The following IFT122 variants were observed in gnomAD, a reference collection of about 807,000 sequenced individuals.
The protein encoded by IFT122 is intraflagellar transport 122, also known as intraflagellar transport protein 122 homolog.
In IFT122, 118 loss-of-function variants were observed where a neutral mutation model predicts 161.6. The observed-to-expected ratio is 0.73, with a 90% CI of 0.63 to 0.85. The LOEUF is 0.85. Among genes scored for constraint, IFT122 ranks in the 40% least tolerant of loss-of-function variants. The probability of loss-of-function intolerance (pLI) is 0.00; values close to 1 mark genes in which losing one functional copy is unlikely to be tolerated. For missense variants in IFT122, 1,381 were observed against 1,579.6 expected, an observed-to-expected ratio of 0.87 and a Z score of 2.13; for synonymous variants, 550 against 602.4, an observed-to-expected ratio of 0.91 and a Z score of 1.27.
intron 2 of IFT122, among the ~76,000 whole-genome samples, chr3:129,451,276 T>A (rs1050020637): frequency 6.7e-6 from 1 of 148,660 alleles, no homozygotes; most frequent in African/African-American, 2.5e-5. Flanking sequence ...TTTTTATTTT[T>A]TTTTATTTTT....
intron 1 of IFT122, among the ~76,000 whole-genome samples, chr3:129,444,246 A>T (rs905889673): frequency 6.6e-6 from 1 of 152,214 alleles, no homozygotes; most frequent in African/African-American, 2.4e-5. Flanking sequence ...AAATGTGCCA[A>T]GGCTCAGAGG....
chr3:129,477,563 G>A (rs566676607), intron 11 of IFT122, among the ~76,000 whole-genome samples: 1 of 152,312 alleles, frequency 6.6e-6, no homozygotes, highest in East Asian at 1.9e-4. Flanking sequence ...GCTTCACAGT[G>A]TCCCCCTTAG....
At chr3:129,479,393 G>A (rs942204514) in intron 12 of IFT122, among the ~76,000 whole-genome samples, 6 of 152,096 alleles carry the variant, frequency 3.9e-5, no homozygotes, top group African/African-American at 7.2e-5. Context: ...CTATGATAGC[G>A]CCACTACACT....
intron 18 of IFT122, 85 bp downstream of exon 18, chr3:129,495,692 A>C: frequency 1.3e-6 from 2 of 1,484,004 alleles, no homozygotes; most frequent in Admixed American, 3.4e-5. Flanking sequence ...TTTCCCCAAG[A>C]GTGCTGCGGA....
At position 129,455,236 on chromosome 3, in the gene IFT122, G is replaced by A. The variant is rs567123601; in HGVS notation, c.193+3238G>A. Among the ~76,000 whole-genome samples the A allele has an allele frequency of 1.3e-4, 19 of 151,738 alleles. 1 individual carries two copies. In the South Asian group the frequency reaches 2.7e-3, roughly 22 times the overall value. ...CGCCCAGGCTGGAGTGCAGTGGCGC[G>A]ATCTCGGCTCATGGCAACCTCTGAC... On this transcript the variant is annotated intron_variant, in intron 3 of 29. Coordinates refer to ENST00000348417, the MANE Select transcript of IFT122 (RefSeq NM_052989.3).
At position 129,456,157 on chromosome 3, in the gene IFT122, T is replaced by C. The variant is rs1559854720; in HGVS notation, c.194-2442T>C. 6.8e-6 allele frequency: 6 copies of C among 888,450 alleles called. 1 individual carries two copies. In the South Asian group the frequency reaches 8.2e-5, roughly 12 times the overall value. The allele number at this position is 888,450 out of a possible 1,614,324, so 55.0% of individuals were successfully genotyped here. A position where few individuals can be genotyped will look rare whatever the true frequency, so the allele number is the denominator to read the frequency against. ...TAGCTTGTTTGGGTCATGCAGCTGG[T>C]CAGTGAGATCTCTAGGAATTCTGAC... On this transcript the variant is annotated intron_variant, in intron 3 of 29. Transcript: ENST00000348417.
intron 7 of IFT122, 55 bp downstream of exon 7, chr3:129,464,836 T>C: frequency 6.3e-7 from 1 of 1,592,260 alleles, no homozygotes; most frequent in Non-Finnish European, 8.6e-7. Flanking sequence ...AGAAGGGCTT[T>C]TTGTCTTCCT....
intron 3 of IFT122, among the ~76,000 whole-genome samples, 191 bp from the exon 4 acceptor site, chr3:129,458,408 C>T (rs754356431): frequency 6.6e-6 from 1 of 152,200 alleles, no homozygotes; most frequent in Non-Finnish European, 1.5e-5. Context: ...TTTGTTTACT[C>T]AGTGTCAGAC....
At chr3:129,468,711 G>T (rs2077057645) in intron 8 of IFT122, among the ~76,000 whole-genome samples, 1 of 152,160 alleles carries the variant, frequency 6.6e-6, no homozygotes, top group Admixed American at 6.5e-5. Context: ...TTTCTCCTGT[G>T]TGCTGGTCCT....
chr3:129,472,322 TA>T (rs907026193), intron 9 of IFT122, among the ~76,000 whole-genome samples: 71 of 149,372 alleles, frequency 4.8e-4, no homozygotes, highest in African/African-American at 1.5e-3. Flanking sequence ...TCCTGCTAAT[TA>T]AAAAAAAAAA....
intron 7 of IFT122, 27 bp downstream of exon 7, chr3:129,464,808 G>C (rs1010261505): frequency 4.3e-6 from 7 of 1,613,456 alleles, no homozygotes; most frequent in Non-Finnish European, 5.1e-6. Context: ...CCTCCTTCTA[G>C]AACAAACACC....
chr3:129,458,523 G>C (rs1440438327), intron 3 of IFT122, 76 bp from the exon 4 acceptor site: 1 of 1,287,276 alleles, frequency 7.8e-7, no homozygotes, highest in Non-Finnish European at 1.1e-6. Flanking sequence ...TAAAGAACTA[G>C]TTTTCTAAAG....
chr3:129,458,499 C>G, intron 3 of IFT122, 100 bp from the exon 4 acceptor site: 2 of 999,948 alleles, frequency 2.0e-6, no homozygotes, highest in South Asian at 1.3e-5. Context: ...GAAGCTAACA[C>G]TTACTAGGTA....
intron 18 of IFT122, among the ~76,000 whole-genome samples, chr3:129,499,425 T>C (rs1303949028): frequency 6.6e-6 from 1 of 150,722 alleles, no homozygotes; most frequent in Non-Finnish European, 1.5e-5. Flanking sequence ...CTCTGAAGCA[T>C]GTGGTATCAC....
At chr3:129,517,655 G>A (rs1025775377) in intron 27 of IFT122, 61 bp downstream of exon 27, 32 of 1,595,330 alleles carry the variant, frequency 2.0e-5, no homozygotes, top group East Asian at 9.1e-5. Flanking sequence ...GGGGACAGGC[G>A]GGAAGTAGGA....
chr3:129,488,037 T>G (rs1426672094), intron 15 of IFT122: 3 of 663,560 alleles, frequency 4.5e-6, no homozygotes, highest in Non-Finnish European at 7.8e-6. Context: ...GGCAGAGAGT[T>G]TGTGCTGTGG....
chr3:129,509,932 T>C (rs1264767633), intron 23 of IFT122, among the ~76,000 whole-genome samples: 2 of 152,238 alleles, frequency 1.3e-5, no homozygotes, highest in Admixed American at 1.3e-4. Flanking sequence ...TGGGATTGTT[T>C]TGAGGATTAG....
At chr3:129,507,336 G>C (rs538093595) in intron 22 of IFT122, among the ~76,000 whole-genome samples, 3 of 152,312 alleles carry the variant, frequency 2.0e-5, no homozygotes, top group Non-Finnish European at 4.4e-5. Context: ...GTCCCAGCAG[G>C]CTCTTCCGAC....
At chr3:129,465,373 A>T (rs2076629261) in intron 7 of IFT122, among the ~76,000 whole-genome samples, 1 of 151,822 alleles carries the variant, frequency 6.6e-6, no homozygotes, top group Non-Finnish European at 1.5e-5. Context: ...AAGCCTAGAG[A>T]TACACAAACA....
Sources: gnomAD v4.1 joint callset for allele counts (sites outside exome capture counted in the v4.1 genomes callset) on GRCh38, gnomAD v4.1.1 for gene constraint, MANE v1.5 for transcripts, NCBI Gene and HGNC (gene_info 2026-07-23, HGNC 2026-07-21) for gene names.